Variants in KCNH1 observed in about 807,000 individuals in gnomAD.
The protein encoded by KCNH1 is voltage-gated delayed rectifier potassium channel KCNH1.
Under a neutral mutation model 69.2 loss-of-function variants are expected in KCNH1, and 27 were observed. The ratio of observed to expected loss-of-function variants is 0.39; its 90% confidence interval spans 0.29 to 0.54. The LOEUF is 0.54. Among genes scored for constraint, KCNH1 ranks in the 20% least tolerant of loss-of-function variants. KCNH1 has a pLI of 0.68. For missense variants in KCNH1, 798 were observed against 1,261.6 expected, an observed-to-expected ratio of 0.63 and a Z score of 5.57; for synonymous variants, 456 against 487.7, an observed-to-expected ratio of 0.93 and a Z score of 0.86.
At chr1:210,981,240 A>C (rs1230838579) in intron 6 of KCNH1, among the ~76,000 whole-genome samples, 1 of 152,138 alleles carries the variant, frequency 6.6e-6, no homozygotes, top group African/African-American at 2.4e-5. Context: ...TGCATTGGCC[A>C]TGTTGGACTG....
intron 10 of KCNH1, among the ~76,000 whole-genome samples, chr1:210,720,420 G>A (rs1009010440): frequency 1.3e-5 from 2 of 152,046 alleles, no homozygotes; most frequent in African/African-American, 4.8e-5. Flanking sequence ...TCCTTCTTAT[G>A]GCAATGATAT....
At position 210,788,685 on chromosome 1, in the gene KCNH1, C is replaced by CTTTTTTTTTTTTT. The variant is rs139485350; in HGVS notation, c.1915+8810_1915+8822dup. Among the ~76,000 whole-genome samples, 10 of 80,712 alleles carry CTTTTTTTTTTTTT rather than the reference C, an allele frequency of 1.2e-4. 2 individuals are homozygous for CTTTTTTTTTTTTT. Among genetic ancestry groups the CTTTTTTTTTTTTT allele is most frequent in the African/African-American group, 5.0e-4 (10 of 20,172 alleles). 53.0% of individuals were successfully genotyped at this position (80,712 alleles called of 152,430 possible). A position where few individuals can be genotyped will look rare whatever the true frequency, so the allele number is the denominator to read the frequency against. ...AGATTATTCATATTATAGCTTCTTTCTTTTTTTTTTTTTTTTTTTTTTTTT... is the reference window on the plus strand; with the variant it reads ...AGATTATTCATATTATAGCTTCTTTCTTTTTTTTTTTTTTTTTTTTTTTTTTTTTTTTTTTTTT... On this transcript the variant is annotated intron_variant, in intron 9 of 10. Coordinates refer to ENST00000271751, the MANE Select transcript of KCNH1 (RefSeq NM_172362.3).
At chr1:210,786,961 A>G (rs1012549737) in intron 9 of KCNH1, among the ~76,000 whole-genome samples, 1 of 152,088 alleles carries the variant, frequency 6.6e-6, no homozygotes, top group Non-Finnish European at 1.5e-5. Flanking sequence ...CCTGCCTTTT[A>G]TCTTGGCTTT....
chr1:210,903,875 G>A (rs1361101419), intron 7 of KCNH1, among the ~76,000 whole-genome samples: 3 of 152,120 alleles, frequency 2.0e-5, no homozygotes, highest in African/African-American at 7.2e-5. Flanking sequence ...ATTGCTCCTT[G>A]GGGACACAAA....
chr1:210,925,129 C>T (rs747162575), intron 6 of KCNH1, among the ~76,000 whole-genome samples: 11 of 152,246 alleles, frequency 7.2e-5, no homozygotes, highest in Middle Eastern at 3.4e-3. Context: ...TCTAAAGGAA[C>T]ACAATAATTC....
intron 6 of KCNH1, among the ~76,000 whole-genome samples, chr1:210,986,889 G>C (rs1053926907): frequency 2.6e-5 from 4 of 152,148 alleles, no homozygotes; most frequent in African/African-American, 9.7e-5. Context: ...TTTCCAACTT[G>C]GTTCCATTCT....
At chr1:211,021,169 G>A (rs1415874295) in intron 5 of KCNH1, among the ~76,000 whole-genome samples, 1 of 152,098 alleles carries the variant, frequency 6.6e-6, no homozygotes, top group Non-Finnish European at 1.5e-5. Context: ...GGGTGGGAAG[G>A]GGGTAGGGGA....
At chr1:210,888,838 C>T (rs6660844) in intron 7 of KCNH1, among the ~76,000 whole-genome samples, 83 of 152,168 alleles carry the variant, frequency 5.5e-4, no homozygotes, top group African/African-American at 1.9e-3. Flanking sequence ...ATATACCCCC[C>T]CAAGACTAAA....
At chr1:210,707,076 C>T (rs1489203090) in intron 10 of KCNH1, among the ~76,000 whole-genome samples, 3 of 150,884 alleles carry the variant, frequency 2.0e-5, no homozygotes, top group Non-Finnish European at 2.9e-5. Context: ...TGCGCGCGCA[C>T]GTGTATGTGT....
chr1:211,053,266 T>A (rs939547394), intron 5 of KCNH1, among the ~76,000 whole-genome samples: 2 of 152,164 alleles, frequency 1.3e-5, no homozygotes, highest in African/African-American at 4.8e-5. Flanking sequence ...GTTTAAAGAG[T>A]TATCAGGCAG....
intron 5 of KCNH1, among the ~76,000 whole-genome samples, chr1:211,030,988 A>C (rs1175529376): frequency 6.6e-6 from 1 of 152,178 alleles, no homozygotes; most frequent in Non-Finnish European, 1.5e-5. Context: ...CATGAAAAAA[A>C]TGTTCAACTC....
intron 10 of KCNH1, among the ~76,000 whole-genome samples, chr1:210,707,487 T>A (rs890432072): frequency 3.3e-5 from 5 of 152,194 alleles, no homozygotes; most frequent in African/African-American, 1.2e-4. Flanking sequence ...ACCCAAGCCA[T>A]GCTCTGCTGT....
chr1:210,863,149 T>C (rs1252201493), intron 7 of KCNH1, among the ~76,000 whole-genome samples: 1 of 152,096 alleles, frequency 6.6e-6, no homozygotes, highest in East Asian at 1.9e-4. Context: ...AAATTTTAAG[T>C]TTAGGGATGA....
rs1574300357 is a variant in KCNH1 at position 210,858,356 on chromosome 1, C to G, written c.1463-54190G>C. On this transcript the variant is annotated intron_variant, in intron 7 of 10. Transcript: ENST00000271751. The stretch of plus-strand genomic sequence containing the variant: ...TTAGCAGCAATGAAATACCACTAAC[C>G]CATTTTTACATACTGAATTCAAGTC... 2.6e-5 allele frequency: 4 copies of G among 152,130 alleles called. 1 individual carries two copies. In the South Asian group the frequency reaches 8.3e-4, roughly 32 times the overall value. 9.4% of individuals were successfully genotyped at this position (152,130 alleles called of 1,614,324 possible). A position where few individuals can be genotyped will look rare whatever the true frequency, so the allele number is the denominator to read the frequency against.
intron 9 of KCNH1, among the ~76,000 whole-genome samples, chr1:210,776,652 C>T (rs1157278776): frequency 2.6e-5 from 4 of 152,116 alleles, no homozygotes; most frequent in Admixed American, 2.6e-4. Context: ...AATGCTGTCC[C>T]CTGGTCTCAG....
intron 5 of KCNH1, among the ~76,000 whole-genome samples, chr1:211,020,646 C>G (rs1483793371): frequency 6.6e-6 from 1 of 152,060 alleles, no homozygotes; most frequent in Non-Finnish European, 1.5e-5. Context: ...ATCTATGAGT[C>G]CAGCATTACC....
intron 5 of KCNH1, among the ~76,000 whole-genome samples, chr1:211,040,397 C>T (rs962301368): frequency 6.6e-6 from 1 of 152,258 alleles, no homozygotes; most frequent in Middle Eastern, 3.4e-3. Context: ...CTTTCCTGAG[C>T]TATTCTCGTG....
chr1:210,726,568 G>A (rs1244161235), intron 10 of KCNH1, among the ~76,000 whole-genome samples: 1 of 152,208 alleles, frequency 6.6e-6, no homozygotes, highest in South Asian at 2.1e-4. Context: ...ACAGCCCAGA[G>A]ACAAATTTTC....
At chr1:211,126,424 G>A (rs1381879533) in intron 1 of KCNH1, among the ~76,000 whole-genome samples, 1 of 151,866 alleles carries the variant, frequency 6.6e-6, no homozygotes, top group Non-Finnish European at 1.5e-5. Flanking sequence ...GCAGGAGAAT[G>A]GCCTGAACCC....
Sources: gnomAD v4.1 joint callset for allele counts (sites outside exome capture counted in the v4.1 genomes callset) on GRCh38, gnomAD v4.1.1 for gene constraint, MANE v1.5 for transcripts, NCBI Gene and HGNC (gene_info 2026-07-23, HGNC 2026-07-21) for gene names.